KIF11: variants seen among roughly 807,000 people sequenced by gnomAD.
The protein encoded by KIF11 is kinesin-like protein KIF11.
Under a neutral mutation model 121.0 loss-of-function variants are expected in KIF11, and 9 were observed. That is an observed-to-expected ratio of 0.07 (90% CI 0.04 to 0.13). The LOEUF is 0.13. Ranked by LOEUF, KIF11 falls within the 10% of genes least tolerant of loss-of-function variation. The probability of loss-of-function intolerance (pLI) is 1.00; values close to 1 mark genes in which losing one functional copy is unlikely to be tolerated. For missense variants in KIF11, 846 were observed against 1,217.5 expected (o/e 0.69, Z 4.54); for synonymous variants, 408 against 421.0 (o/e 0.97, Z 0.38).
chr10:92,613,673 T>A lies in KIF11; in HGVS notation c.1032+54T>A. 1 of 1,519,190 alleles carries A rather than the reference T, an allele frequency of 6.6e-7. No individual in the cohort carries two copies. The highest frequency in any genetic ancestry group is 8.9e-7 in the Non-Finnish European group (1 of 1,127,346). The allele number at this position is 1,519,190 out of a possible 1,614,324, so 94.1% of individuals were successfully genotyped here. A position where few individuals can be genotyped will look rare whatever the true frequency, so the allele number is the denominator to read the frequency against. The stretch of plus-strand genomic sequence containing the variant: ...GTAGTAGCTGTAATTCTTATTTGGC[T>A]ATTATATATTTTAAAAGTTCATTTA... On this transcript the variant is annotated intron_variant, in intron 8 of 21. Transcript: ENST00000260731. This position sits in a 1 kb window ranked among gnomAD's most constrained non-coding sequence, Gnocchi z 4.2.
intron 5 of KIF11, 74 bp from the exon 6 acceptor site, chr10:92,609,291 AGAGAGAGAGAGAGTGTGTGT>A (rs1405263268): frequency 6.0e-5 from 78 of 1,303,112 alleles, no homozygotes; most frequent in South Asian, 5.9e-4. Context: ...AGAGAGAGAG[AGAGAGAGAGAGAGTGTGTGT>A]GTGTGTGTGT....
chr10:92,645,610 G>A lies in KIF11; in HGVS notation c.2515G>A (p.Glu839Lys). Reference protein sequence around the residue: ...FSEQWVSSLNEREQELHNLLE... With the variant: ...FSEQWVSSLNKREQELHNLLE... ...TGAACAGTGGGTATCTTCCTTAAAT[G>A]AAAGGGAACAGGAACTTCACAACTT... is the stretch of plus-strand genomic sequence containing the variant. The change falls in exon 18 of 22, where the codon GAA becomes AAA. Residue 839 changes from glutamate to lysine, a missense_variant. Physicochemically the swap from Glu to Lys is moderately conservative, Grantham distance 56. This residue lies in a region of KIF11 where 492 missense variants were observed against 603.4 expected (regional missense o/e 0.82). Coordinates refer to ENST00000260731, the MANE Select transcript of KIF11 (RefSeq NM_004523.4). 6.2e-7 allele frequency: 1 copy of A among 1,606,984 alleles called. No individual in the cohort carries two copies. Among genetic ancestry groups the A allele is most frequent in the Non-Finnish European group, 8.5e-7 (1 of 1,176,916 alleles).
rs1453751089 is a variant in KIF11 at position 92,609,415 on chromosome 10, A to C, written c.604A>C (p.Ile202Leu). 3.7e-6 allele frequency: 6 copies of C among 1,613,522 alleles called. 1 individual carries two copies. The South Asian group carries it at 6.6e-5, about 18-fold the overall frequency. ...RGVIIKGLEE[I>L]TVHNKDEVYQ... ...AGTGATAATTAAAGGTTTAGAAGAA[A>C]TTACAGTACACAACAAGGATGAAGT... Residue 202 changes from isoleucine (I) to leucine (L), a missense_variant, in exon 6 of 22, where the codon ATT becomes CTT. Ile to Leu is a conservative substitution (Grantham distance 5). Around this residue, in one of 5 missense-constraint regions of KIF11, gnomAD observed 116 missense variants for 285.3 expected, o/e 0.41. Transcript: ENST00000260731.
At chr10:92,638,448 A>C (rs1267393683) in intron 16 of KIF11, among the ~76,000 whole-genome samples, 2 of 152,294 alleles carry the variant, frequency 1.3e-5, no homozygotes, top group East Asian at 3.9e-4. Flanking sequence ...ATACATCTAC[A>C]TAGGGTATTT....
chr10:92,628,147 A>T (rs1244201939), intron 10 of KIF11, among the ~76,000 whole-genome samples: 3 of 121,746 alleles, frequency 2.5e-5, no homozygotes, highest in Middle Eastern at 3.5e-3. Flanking sequence ...GGTACTGAAC[A>T]TCCTAAAATG....
intron 1 of KIF11, among the ~76,000 whole-genome samples, chr10:92,602,763 A>ATCC (rs748700325): frequency 2.0e-5 from 3 of 150,086 alleles, no homozygotes; most frequent in Non-Finnish European, 4.4e-5. Flanking sequence ...AATCTCTAAA[A>ATCC]TTTTCTAATT....
chr10:92,648,107 C>CAA, intron 18 of KIF11, 105 bp from the exon 19 acceptor site: 2 of 693,538 alleles, frequency 2.9e-6, no homozygotes, highest in Admixed American at 3.7e-5. Context: ...AGACTTGTCT[C>CAA]CAAAAAAAAA....
At chr10:92,649,120 C>CT (rs11285704) in intron 19 of KIF11, among the ~76,000 whole-genome samples, 1,810 of 144,644 alleles carry the variant, frequency 0.013, 27 homozygotes, top group African/African-American at 0.04. Flanking sequence ...TCACAAAACT[C>CT]TTTTTTTTTT....
At chr10:92,643,272 T>C (rs1844884930) in intron 17 of KIF11, among the ~76,000 whole-genome samples, 1 of 152,230 alleles carries the variant, frequency 6.6e-6, no homozygotes, top group African/African-American at 2.4e-5. Flanking sequence ...GACTTATTTA[T>C]ACTTTTTAAA....
chr10:92,611,425 G>A (rs754607653), intron 6 of KIF11, among the ~76,000 whole-genome samples: 2 of 151,724 alleles, frequency 1.3e-5, no homozygotes, highest in African/African-American at 2.4e-5. Flanking sequence ...TGTTAGCCAG[G>A]TTGGTCTCGA....
At chr10:92,618,353 A>C (rs1844581620) in intron 9 of KIF11, among the ~76,000 whole-genome samples, 1 of 151,756 alleles carries the variant, frequency 6.6e-6, no homozygotes, top group Non-Finnish European at 1.5e-5. Context: ...GAAATAATAC[A>C]GAGAAAACAG....
chr10:92,613,169 C>T lies in KIF11; in HGVS notation c.789+39C>T, dbSNP rs745690233. ...TTAATACTACTGTTTCACTCTTAAACACCTTATAGAGCAGCTTGAAATTTT... is the reference window on the plus strand; with the variant it reads ...TTAATACTACTGTTTCACTCTTAAATACCTTATAGAGCAGCTTGAAATTTT... On this transcript the variant is annotated intron_variant, in intron 7 of 21. Transcript: ENST00000260731. The surrounding 1 kb of genome is among the most constrained non-coding windows in gnomAD (Gnocchi z 4.2). The T allele has an allele frequency of 2.0e-6, 3 of 1,468,642 alleles. No individual in the cohort carries two copies. Among genetic ancestry groups the T allele is most frequent in the Non-Finnish European group, 2.8e-6 (3 of 1,057,464 alleles). The allele number at this position is 1,468,642 out of a possible 1,614,324, so 91.0% of individuals were successfully genotyped here.
chr10:92,601,987 A>C (rs1844379039), intron 1 of KIF11, among the ~76,000 whole-genome samples: 1 of 152,032 alleles, frequency 6.6e-6, no homozygotes, highest in South Asian at 2.1e-4. Flanking sequence ...TGGGTTTTGA[A>C]TTTTGTCACA....
intron 21 of KIF11, 59 bp from the exon 22 acceptor site, chr10:92,653,606 G>C: frequency 2.7e-6 from 4 of 1,494,628 alleles, no homozygotes; most frequent in Non-Finnish European, 3.7e-6. Context: ...ATAGAGTGTA[G>C]TTAATGTGTA....
At position 92,631,774 on chromosome 10, in the gene KIF11, C is replaced by G. The variant is rs190062939; in HGVS notation, c.1495-712C>G. Among the ~76,000 whole-genome samples the G allele has an allele frequency of 2.6e-5, 4 of 151,994 alleles. No homozygotes were observed. The East Asian group carries it at 7.8e-4, about 30-fold the overall frequency. The stretch of plus-strand genomic sequence containing the variant: ...CACTGTAACCTTTGCCTCCCGGGTT[C>G]AAGCGATTCTCCCGCCTCAGCCTCC... On this transcript the variant is annotated intron_variant, in intron 12 of 21. Transcript: ENST00000260731.
chr10:92,602,798 G>A (rs1420121553), intron 1 of KIF11, among the ~76,000 whole-genome samples: 1 of 143,622 alleles, frequency 7.0e-6, no homozygotes, highest in East Asian at 2.1e-4. Flanking sequence ...TTTGAACCCT[G>A]GTTACTTAAA....
intron 1 of KIF11, among the ~76,000 whole-genome samples, chr10:92,605,482 A>ATTTTTTTTTTTTTTT (rs58660991): frequency 1.0e-5 from 1 of 98,308 alleles, no homozygotes; most frequent in African/African-American, 4.1e-5. Context: ...ATTTGATCGG[A>ATTTTTTTTTTTTTTT]TTTTTTTTTT....
chr10:92,654,414 T>C lies in KIF11; in HGVS notation c.*618T>C, dbSNP rs1747281473. On this transcript the variant is annotated 3_prime_UTR_variant, in exon 22 of 22. Transcript: ENST00000260731. ...ATATAAGAACTGTACTCTTCTCAGC[T>C]TGAGCTTACATAGGTAAATATCACC... The C allele has an allele frequency of 2.0e-5, 3 of 152,268 alleles. No homozygotes were observed. Among genetic ancestry groups the C allele is most frequent in the Non-Finnish European group, 2.9e-5 (2 of 68,050 alleles). 9.4% of individuals were successfully genotyped at this position (152,268 alleles called of 1,614,324 possible).
chr10:92,611,750 T>TA (rs1844499124), intron 6 of KIF11, among the ~76,000 whole-genome samples: 1 of 151,932 alleles, frequency 6.6e-6, no homozygotes, highest in Non-Finnish European at 1.5e-5. Context: ...AATACAAAAA[T>TA]TAGCTTGGTG....
Sources: allele counts gnomAD v4.1 joint callset (sites outside exome capture counted in the v4.1 genomes callset), GRCh38; gene constraint gnomAD v4.1.1; regional missense constraint gnomAD v4.1.1; non-coding constraint Gnocchi (gnomAD v3.1); transcripts MANE v1.5; gene names NCBI Gene and HGNC (gene_info 2026-07-23, HGNC 2026-07-21).